Variants in RBFOX1 observed in about 807,000 individuals in gnomAD.
The protein encoded by RBFOX1 is RNA binding protein fox-1 homolog 1.
Under a neutral mutation model 57.7 loss-of-function variants are expected in RBFOX1, and 8 were observed. The ratio of observed to expected loss-of-function variants is 0.14; its 90% confidence interval spans 0.08 to 0.25. RBFOX1 has a LOEUF of 0.25. RBFOX1 is among the 10% of genes least tolerant of loss of function. The probability of loss-of-function intolerance (pLI) is 1.00; values close to 1 mark genes in which losing one functional copy is unlikely to be tolerated. For missense variants in RBFOX1, 611 were observed against 548.5 expected (o/e 1.11, Z -1.14); for synonymous variants, 326 against 222.4 (o/e 1.47, Z -4.15).
chr16:6,777,903 A>G (rs1319507761), intron 3 of RBFOX1, among the ~76,000 whole-genome samples: 1 of 152,132 alleles, frequency 6.6e-6, no homozygotes, highest in Non-Finnish European at 1.5e-5. Flanking sequence ...CCATATTGAA[A>G]TGACTTTTTC....
chr16:6,214,345 G>A (rs944307740), intron 1 of RBFOX1, among the ~76,000 whole-genome samples: 16 of 151,176 alleles, frequency 1.1e-4, no homozygotes, highest in African/African-American at 3.4e-4. Context: ...GAGGGAGAAG[G>A]GGAGATGGAG....
intron 3 of RBFOX1, among the ~76,000 whole-genome samples, chr16:7,049,171 T>G (rs920216085): frequency 6.6e-6 from 1 of 152,230 alleles, no homozygotes; most frequent in Non-Finnish European, 1.5e-5. Flanking sequence ...GTTCCCTGTT[T>G]GTTGTCCTCC....
intron 9 of RBFOX1, among the ~76,000 whole-genome samples, chr16:7,605,256 T>C (rs2095240155): frequency 6.6e-6 from 1 of 152,192 alleles, no homozygotes; most frequent in African/African-American, 2.4e-5. Context: ...TGAACTAATA[T>C]TTATTTTTAC....
intron 1 of RBFOX1, among the ~76,000 whole-genome samples, chr16:6,254,756 C>G (rs750561596): frequency 1.3e-5 from 2 of 152,046 alleles, no homozygotes; most frequent in African/African-American, 4.8e-5. Flanking sequence ...TAAATTAAAA[C>G]AATATATTTC....
intron 4 of RBFOX1, among the ~76,000 whole-genome samples, chr16:7,160,788 C>A (rs1225545178): frequency 2.0e-5 from 3 of 146,914 alleles, no homozygotes; most frequent in African/African-American, 7.7e-5. Context: ...CTTTTTTCTC[C>A]CTCCTCCGTC....
chr16:7,590,211 G>A (rs934569779), intron 7 of RBFOX1, among the ~76,000 whole-genome samples: 4 of 151,962 alleles, frequency 2.6e-5, no homozygotes, highest in Non-Finnish European at 5.9e-5. Flanking sequence ...AGGCTTTACT[G>A]AGCTATGATT....
chr16:7,333,636 G>A (rs1422071229), intron 4 of RBFOX1, among the ~76,000 whole-genome samples: 1 of 152,092 alleles, frequency 6.6e-6, no homozygotes, highest in Non-Finnish European at 1.5e-5. Flanking sequence ...GATTATTCTA[G>A]GAATCCCTTG....
At chr16:5,925,078 C>T (rs932829037) in intron 4 of RBFOX1, among the ~76,000 whole-genome samples, 4 of 152,180 alleles carry the variant, frequency 2.6e-5, no homozygotes, top group African/African-American at 9.7e-5. Context: ...CTTTCCCACC[C>T]TCCCTGTTTC....
At chr16:6,363,048 T>A (rs1341453480) in intron 2 of RBFOX1, among the ~76,000 whole-genome samples, 1 of 152,182 alleles carries the variant, frequency 6.6e-6, no homozygotes, top group Non-Finnish European at 1.5e-5. Flanking sequence ...TTTCTCTCAA[T>A]ATGAAATGAT....
intron 3 of RBFOX1, among the ~76,000 whole-genome samples, chr16:6,881,574 C>T (rs1290022686): frequency 6.6e-6 from 1 of 152,206 alleles, no homozygotes; most frequent in Non-Finnish European, 1.5e-5. Flanking sequence ...CCTGTAAACA[C>T]TCCAGTCATA....
rs116548251 is a variant in RBFOX1 at position 5,983,896 on chromosome 16, G to A, written c.351+116561G>A. On this transcript the variant is annotated intron_variant, in intron 4 of 19. Coordinates refer to the RBFOX1 transcript ENST00000641259. The stretch of plus-strand genomic sequence containing the variant: ...TCCTCCTCCTTCCCTACCCCTCCTC[G>A]TTCTCCTCCTCCTCCTCTTCCTCCT... 9.6e-3 allele frequency among the ~76,000 whole-genome samples: 720 copies of A among 75,262 alleles called. 4 individuals carry two copies. Among genetic ancestry groups the A allele is most frequent in the African/African-American group, 0.037 (679 of 18,600 alleles). The allele number at this position is 75,262 out of a possible 152,430, so 49.4% of individuals were successfully genotyped here.
intron 1 of RBFOX1, among the ~76,000 whole-genome samples, chr16:5,392,888 A>G (rs1033008368): frequency 1.3e-5 from 2 of 152,118 alleles, no homozygotes; most frequent in Non-Finnish European, 2.9e-5. Context: ...GAATCTTTAC[A>G]TCCTGGCACT....
At chr16:6,949,326 C>T (rs1048770158) in intron 3 of RBFOX1, among the ~76,000 whole-genome samples, 12 of 152,202 alleles carry the variant, frequency 7.9e-5, no homozygotes, top group South Asian at 4.1e-4. Context: ...TTTCAATCTT[C>T]GCTCACCTTT....
rs539770540 is a variant in RBFOX1 at position 6,085,025 on chromosome 16, T to A, written c.-127+65033T>A. ...CCCCAATCAACTTGTGAGAATTCAC[T>A]TCTGTCCTCAGCGTGCGTGCTTCAT... On this transcript the variant is annotated intron_variant, in intron 1 of 15. Coordinates refer to ENST00000550418, the MANE Select transcript of RBFOX1 (RefSeq NM_018723.4). Among the ~76,000 whole-genome samples, 100 of 152,324 alleles carry A rather than the reference T, an allele frequency of 6.6e-4. 1 individual carries two copies. Among genetic ancestry groups the A allele is most frequent in the South Asian group, 6.2e-3 (30 of 4,828 alleles).
At position 6,677,593 on chromosome 16, in the gene RBFOX1, G is replaced by A. The variant is rs141677055; in HGVS notation, c.-16+22943G>A. On this transcript the variant is annotated intron_variant, in intron 3 of 15. Coordinates refer to ENST00000550418, the MANE Select transcript of RBFOX1 (RefSeq NM_018723.4). ...AGTAATGACTCAGCAGTTCATTAGA[G>A]CCTTACATTTTCAATCAAAGATAAA... Among the ~76,000 whole-genome samples, 8 of 152,228 alleles carry A rather than the reference G, an allele frequency of 5.3e-5. No homozygotes were observed. The East Asian group carries it at 1.5e-3, about 29-fold the overall frequency.
chr16:6,638,843 C>T (rs1233940082), intron 2 of RBFOX1, among the ~76,000 whole-genome samples: 3 of 152,082 alleles, frequency 2.0e-5, no homozygotes, highest in Non-Finnish European at 4.4e-5. Context: ...AGGCTGTAGA[C>T]AATAAAGGTT....
At chr16:6,912,660 G>T (rs115208960) in intron 3 of RBFOX1, among the ~76,000 whole-genome samples, 1 of 151,188 alleles carries the variant, frequency 6.6e-6, no homozygotes, top group Admixed American at 6.6e-5. Flanking sequence ...GTGTCATCCA[G>T]GCTGGAGTAC....
chr16:7,576,392 C>G (rs1602282608), intron 5 of RBFOX1, among the ~76,000 whole-genome samples: 2 of 152,164 alleles, frequency 1.3e-5, no homozygotes, highest in African/African-American at 4.8e-5. Flanking sequence ...AAGAGATTTC[C>G]TTTTTCTGTT....
At position 6,738,285 on chromosome 16, in the gene RBFOX1, AAG is replaced by A. The variant is rs372485222; in HGVS notation, c.-16+83638_-16+83639del. On this transcript the variant is annotated intron_variant, in intron 3 of 15. Coordinates refer to ENST00000550418, the MANE Select transcript of RBFOX1 (RefSeq NM_018723.4). ...TTTGATTGCCCCAGCTTACTGCTTT[AAG>A]AGTTTCCATAAGGAGAGGAGGGGAA... Among the ~76,000 whole-genome samples, 551 of 152,140 alleles carry A rather than the reference AAG, an allele frequency of 3.6e-3. 6 individuals are homozygous for A. The highest frequency in any genetic ancestry group is 0.012 in the African/African-American group (502 of 41,498).
Sources: gnomAD v4.1 joint callset for allele counts (sites outside exome capture counted in the v4.1 genomes callset) on GRCh38, gnomAD v4.1.1 for gene constraint, MANE v1.5 for transcripts, NCBI Gene and HGNC (gene_info 2026-07-23, HGNC 2026-07-21) for gene names.